The following VPS37A variants were observed in gnomAD, a reference collection of about 807,000 sequenced individuals.
VPS37A encodes the protein vacuolar protein sorting-associated protein 37A.
A neutral mutation model predicts 49.8 loss-of-function variants in VPS37A; 30 were observed. The observed-to-expected ratio is 0.60, with a 90% CI of 0.45 to 0.82. VPS37A has a LOEUF of 0.82. VPS37A is among the 40% of genes least tolerant of loss of function. The pLI is 0.00. For missense variants in VPS37A, 593 were observed against 464.4 expected, an observed-to-expected ratio of 1.28 and a Z score of -2.55; for synonymous variants, 195 against 160.6, an observed-to-expected ratio of 1.21 and a Z score of -1.62.
the VPS37A span, among the ~76,000 whole-genome samples, chr8:17,330,111 G>T: frequency 6.6e-6 from 1 of 152,226 alleles, no homozygotes; most frequent in African/African-American, 2.4e-5. Flanking sequence ...GAAAGTCCAG[G>T]AAACAGAATG....
the VPS37A span, chr8:17,313,535 A>C: frequency 7.1e-6 from 4 of 562,860 alleles, no homozygotes; most frequent in Non-Finnish European, 1.2e-5. Flanking sequence ...CTTAAGTCAA[A>C]ATAAATACCC....
chr8:17,276,451 G>C lies in VPS37A; in HGVS notation c.697G>C (p.Glu233Gln), dbSNP rs1814520803. 6.2e-6 allele frequency: 10 copies of C among 1,611,126 alleles called. No individual in the cohort carries two copies. Among genetic ancestry groups the C allele is most frequent in the African/African-American group, 4.0e-5 (3 of 74,868 alleles). The change falls in exon 6 of 12, where the codon GAA becomes CAA. Residue 233 changes from glutamate to glutamine, a missense_variant. Coordinates refer to ENST00000324849, the MANE Select transcript of VPS37A (RefSeq NM_152415.3). Reference sequence around the variant, plus strand: ...GCCAGATGTCCCTGATGCATTTCCAGAACTCTCAGAACTAAGGTAAACCTG... The same window carrying C: ...GCCAGATGTCCCTGATGCATTTCCACAACTCTCAGAACTAAGGTAAACCTG... ...KMPDVPDAFP[E>Q]LSELSVSQLT...
the VPS37A span, among the ~76,000 whole-genome samples, chr8:17,310,173 T>A: frequency 2.0e-5 from 3 of 151,852 alleles, no homozygotes; most frequent in Non-Finnish European, 2.9e-5. Context: ...AATTTTTTTT[T>A]AATTTTTTAT....
chr8:17,322,312 T>C, the VPS37A span, among the ~76,000 whole-genome samples: 21 of 152,346 alleles, frequency 1.4e-4, no homozygotes, highest in Non-Finnish European at 3.1e-4. Flanking sequence ...CACAAGCTCA[T>C]CACCATGTGT....
At chr8:17,271,689 A>C (rs1027657296) in intron 4 of VPS37A, among the ~76,000 whole-genome samples, 5 of 152,268 alleles carry the variant, frequency 3.3e-5, no homozygotes, top group Admixed American at 2.0e-4. Flanking sequence ...AGCTCCTCCA[A>C]ATAAGCTGTT....
chr8:17,332,035 G>A, the VPS37A span, among the ~76,000 whole-genome samples: 1 of 152,184 alleles, frequency 6.6e-6, no homozygotes, highest in Non-Finnish European at 1.5e-5. Flanking sequence ...CTAAAATCAA[G>A]AAGGGGACAA....
intron 1 of VPS37A, among the ~76,000 whole-genome samples, chr8:17,261,383 C>G (rs1347934569): frequency 1.3e-5 from 2 of 151,992 alleles, no homozygotes; most frequent in East Asian, 1.9e-4. Flanking sequence ...TTTGTTTTAT[C>G]TTGGAGATCA....
chr8:17,276,321 A>C (rs2150394337), intron 5 of VPS37A, 76 bp from the exon 6 acceptor site: 1 of 1,156,938 alleles, frequency 8.6e-7, no homozygotes, highest in Non-Finnish European at 1.3e-6. Flanking sequence ...AGTACATTAA[A>C]GATTACGTTT....
At chr8:17,264,884 G>C (rs1003504514) in intron 1 of VPS37A, among the ~76,000 whole-genome samples, 1 of 152,100 alleles carries the variant, frequency 6.6e-6, no homozygotes, top group South Asian at 2.1e-4. Flanking sequence ...GACTTGCTTA[G>C]TGTATTATAG....
chr8:17,302,269 C>A (rs1309661359), downstream of VPS37A: 2 of 1,613,238 alleles, frequency 1.2e-6, no homozygotes, highest in Non-Finnish European at 8.5e-7. Flanking sequence ...GTTATACATT[C>A]CACTCCAAAA....
intron 1 of VPS37A, among the ~76,000 whole-genome samples, chr8:17,261,339 C>G (rs537692271): frequency 1.5e-3 from 228 of 152,260 alleles, no homozygotes; most frequent in Non-Finnish European, 2.5e-3. Flanking sequence ...ACTTAAATCT[C>G]TTTGTTAAAT....
chr8:17,312,188 A>G, the VPS37A span, among the ~76,000 whole-genome samples: 4 of 152,268 alleles, frequency 2.6e-5, no homozygotes, highest in East Asian at 7.7e-4. Flanking sequence ...TTTTTACTAA[A>G]TATCTTGGCA....
the VPS37A span, chr8:17,313,211 GC>G: frequency 1.0e-6 from 1 of 984,506 alleles, no homozygotes; most frequent in East Asian, 2.4e-5. Flanking sequence ...AGACAGGGAA[GC>G]CCATGGCAGA....
At chr8:17,313,335 C>T in the VPS37A span, 4 of 1,613,338 alleles carry the variant, frequency 2.5e-6, no homozygotes, top group Admixed American at 3.3e-5. Flanking sequence ...TTTAATGTGC[C>T]TTAACCAGCC....
rs73551486 is a variant in VPS37A, at chr8:17,268,069, T to C, written c.201-189T>C. 0.019 allele frequency among the ~76,000 whole-genome samples: 2,965 copies of C among 152,280 alleles called. 106 individuals are homozygous for C. Among genetic ancestry groups the C allele is most frequent in the African/African-American group, 0.067 (2,785 of 41,552 alleles). On this transcript the variant is annotated intron_variant, in intron 2 of 11. Coordinates refer to ENST00000324849, the MANE Select transcript of VPS37A (RefSeq NM_152415.3). ...AGATTTTACTGCGTTGAATGACTAG[T>C]CTTGTTACCAAATTTTAGTCTTAAA...
chr8:17,266,479 C>T (rs980756137), intron 2 of VPS37A, among the ~76,000 whole-genome samples: 1 of 152,044 alleles, frequency 6.6e-6, no homozygotes, highest in African/African-American at 2.4e-5. Context: ...ACTTAAGTTA[C>T]AAAAAGTTGG....
downstream of VPS37A, chr8:17,304,590 T>C (rs1817329960): frequency 6.7e-7 from 1 of 1,498,250 alleles, no homozygotes; most frequent in Non-Finnish European, 9.2e-7. Context: ...GTTATATTAA[T>C]GCTGGAAAGG....
At chr8:17,255,219 G>A (rs374808451) in intron 1 of VPS37A, among the ~76,000 whole-genome samples, 22 of 152,176 alleles carry the variant, frequency 1.4e-4, no homozygotes, top group East Asian at 9.6e-4. Flanking sequence ...CTCACTGAGC[G>A]CCTGTAATCC....
At chr8:17,265,848 G>A (rs896389466) in intron 1 of VPS37A, 59 bp from the exon 2 acceptor site, 1 of 1,611,114 alleles carries the variant, frequency 6.2e-7, no homozygotes, top group Non-Finnish European at 8.5e-7. Context: ...CTTAACATTG[G>A]TTTTTAACAA....
Sources: gnomAD v4.1 joint callset for allele counts (sites outside exome capture counted in the v4.1 genomes callset) on GRCh38, gnomAD v4.1.1 for gene constraint, MANE v1.5 for transcripts, NCBI Gene and HGNC (gene_info 2026-07-23, HGNC 2026-07-21) for gene names.